Variants in RHD observed in about 807,000 individuals in gnomAD.
The protein encoded by RHD is Rh blood group D antigen, also known as blood group Rh(D) polypeptide.
In RHD, 16 loss-of-function variants were observed where a neutral mutation model predicts 45.5. The observed-to-expected ratio is 0.35, with a 90% CI of 0.24 to 0.53. The LOEUF is 0.53. Among genes scored for constraint, RHD ranks in the 20% least tolerant of loss-of-function variants. The probability of loss-of-function intolerance (pLI) is 0.92; values close to 1 mark genes in which losing one functional copy is unlikely to be tolerated. For synonymous variants in RHD, 131 were observed against 217.5 expected (o/e 0.60, Z 3.50); for missense variants, 306 against 532.0 (o/e 0.58, Z 4.18).
intron 8 of RHD, among the ~76,000 whole-genome samples, chr1:25,320,867 T>C (rs527837013): frequency 1.5e-5 from 2 of 129,732 alleles, no homozygotes; most frequent in African/African-American, 2.6e-5. Flanking sequence ...CATGGCTAAG[T>C]CCTGTCTCTG....
At chr1:25,307,597 G>A in intron 7 of RHD, 2 of 804,536 alleles carry the variant, frequency 2.5e-6, no homozygotes, top group Non-Finnish European at 4.0e-6. Context: ...GCCTACTGAG[G>A]TATTCTCAGA....
chr1:25,283,060 T>C lies in RHD; in HGVS notation c.149-1513T>C, dbSNP rs915172045. ...ATGTGCGAAAACAGTTGGTGATTAT[T>C]GATAAAATAGCTTTTAGAGTTTGGA... On this transcript the variant is annotated intron_variant, in intron 1 of 9. Coordinates refer to ENST00000328664, the MANE Select transcript of RHD (RefSeq NM_016124.6). Among the ~76,000 whole-genome samples the C allele has an allele frequency of 3.0e-5, 4 of 133,332 alleles. 1 individual carries two copies. Among genetic ancestry groups the C allele is most frequent in the African/African-American group, 1.0e-4 (4 of 39,086 alleles). 87.5% of individuals were successfully genotyped at this position (133,332 alleles called of 152,430 possible).
In RHD at chr1:25,306,926, C is replaced by T. The variant is rs1295573731; in HGVS notation, c.1073+197C>T. On this transcript the variant is annotated intron_variant, in intron 7 of 9. Coordinates refer to ENST00000328664, the MANE Select transcript of RHD (RefSeq NM_016124.6). ...ATGGATTTATCACCTCTCCAGGCCA[C>T]CTCTTCTTTCCAAATAGGGCCACCT... 103 of 589,306 alleles carry T rather than the reference C, an allele frequency of 1.7e-4. 12 individuals carry two copies. The Admixed American group carries it at 2.3e-3, about 13-fold the overall frequency. 36.5% of individuals were successfully genotyped at this position (589,306 alleles called of 1,614,324 possible).
chr1:25,299,246 G>A (rs1643192467), intron 3 of RHD, among the ~76,000 whole-genome samples: 1 of 129,322 alleles, frequency 7.7e-6, no homozygotes, highest in African/African-American at 2.7e-5. Flanking sequence ...GCCGGGCACG[G>A]TGGTGGGTGC....
At chr1:25,273,302 A>AAT (rs1553137277) in intron 1 of RHD, among the ~76,000 whole-genome samples, 8 of 97,762 alleles carry the variant, frequency 8.2e-5, no homozygotes, top group African/African-American at 2.2e-4. Flanking sequence ...TGCCTGGCTA[A>AAT]TTTTTTTTTT....
Position 25,320,023 on chromosome 1 carries a change from C to T in RHD, c.1154-1866C>T, listed in dbSNP as rs374772531. 4.9e-4 allele frequency among the ~76,000 whole-genome samples: 64 copies of T among 131,366 alleles called. 5 individuals carry two copies. Among genetic ancestry groups the T allele is most frequent in the East Asian group, 2.9e-3 (15 of 5,116 alleles). 86.2% of individuals were successfully genotyped at this position (131,366 alleles called of 152,430 possible). The stretch of plus-strand genomic sequence containing the variant: ...AAGTGATTCTCCTGCCTCAGCCTCC[C>T]GAGTAGCTGGGATTACAGGCATGCA... On this transcript the variant is annotated intron_variant, in intron 8 of 9. Coordinates refer to ENST00000328664, the MANE Select transcript of RHD (RefSeq NM_016124.6).
Position 25,321,366 on chromosome 1 carries a change from T to G in RHD, c.1154-523T>G, listed in dbSNP as rs1289203383. 2.6e-5 allele frequency among the ~76,000 whole-genome samples: 3 copies of G among 115,954 alleles called. 1 individual carries two copies. The highest frequency in any genetic ancestry group is 6.0e-5 in the Non-Finnish European group (3 of 49,822). The allele number at this position is 115,954 out of a possible 152,430, so 76.1% of individuals were successfully genotyped here. On this transcript the variant is annotated intron_variant, in intron 8 of 9. Coordinates refer to ENST00000328664, the MANE Select transcript of RHD (RefSeq NM_016124.6). ...CTTTTTTTCAAAAAAAAAAAAAAAA[T>G]GTCTACAGAATCGGCCAGGTGTGGT... is the stretch of plus-strand genomic sequence containing the variant.
intron 1 of RHD, among the ~76,000 whole-genome samples, chr1:25,280,387 C>T (rs1338818223): frequency 3.2e-5 from 4 of 125,422 alleles, no homozygotes; most frequent in African/African-American, 1.1e-4. Flanking sequence ...CTCACTGCAA[C>T]CTCAGCCTTC....
intron 1 of RHD, among the ~76,000 whole-genome samples, chr1:25,279,031 A>T (rs536962205): frequency 7.7e-6 from 1 of 129,144 alleles, no homozygotes; most frequent in East Asian, 2.0e-4. Flanking sequence ...GCAGGCCAGA[A>T]GGAGGGGCAA....
Position 25,310,008 on chromosome 1 carries a change from A to G in RHD, c.1073+3279A>G, listed in dbSNP as rs182191414. Among the ~76,000 whole-genome samples the G allele has an allele frequency of 2.0e-3, 267 of 132,978 alleles. 53 individuals are homozygous for G. Among genetic ancestry groups the G allele is most frequent in the Middle Eastern group, 0.017 (4 of 240 alleles). The allele number at this position is 132,978 out of a possible 152,430, so 87.2% of individuals were successfully genotyped here. A position where few individuals can be genotyped will look rare whatever the true frequency, so the allele number is the denominator to read the frequency against. On this transcript the variant is annotated intron_variant, in intron 7 of 9. Transcript: ENST00000328664. The stretch of plus-strand genomic sequence containing the variant: ...AAACCCCAAAAAACCCAACTTATAT[A>G]GTATAAGCTATATCCAGAAAAGTGC...
At chr1:25,322,607 A>T (rs1475608107) in intron 9 of RHD, among the ~76,000 whole-genome samples, 4 of 131,286 alleles carry the variant, frequency 3.0e-5, no homozygotes, top group Admixed American at 3.0e-4. Flanking sequence ...TGGGAAGCGA[A>T]GTTTGCAGTG....
chr1:25,281,768 C>G lies in RHD; in HGVS notation c.149-2805C>G, dbSNP rs145695649. On this transcript the variant is annotated intron_variant, in intron 1 of 9. Transcript: ENST00000328664. ...CTTCCTAATGCCCACTTCTCACCCA[C>G]GCCCCAAATCCCCAGGTCCCATGGA... 8.9e-3 allele frequency among the ~76,000 whole-genome samples: 1,174 copies of G among 131,936 alleles called. 175 individuals are homozygous for G. Among genetic ancestry groups the G allele is most frequent in the African/African-American group, 0.027 (1,032 of 38,630 alleles). 86.6% of individuals were successfully genotyped at this position (131,936 alleles called of 152,430 possible).
At chr1:25,276,523 C>A (rs1162455269) in intron 1 of RHD, among the ~76,000 whole-genome samples, 3 of 59,954 alleles carry the variant, frequency 5.0e-5, no homozygotes, top group African/African-American at 2.2e-4. Flanking sequence ...GGAGACCCCC[C>A]CCCATCTCTA....
At chr1:25,280,244 G>C (rs1344176866) in intron 1 of RHD, among the ~76,000 whole-genome samples, 1 of 128,112 alleles carries the variant, frequency 7.8e-6, no homozygotes. Flanking sequence ...TCAGGGAATC[G>C]GGATCAGGGG....
rs543193621 is a variant in RHD at position 25,323,317 on chromosome 1, C to G, written c.1227+1355C>G. Among the ~76,000 whole-genome samples, 845 of 99,052 alleles carry G rather than the reference C, an allele frequency of 8.5e-3. 89 individuals carry two copies. The highest frequency in any genetic ancestry group is 0.026 in the African/African-American group (775 of 29,830). 65.0% of individuals were successfully genotyped at this position (99,052 alleles called of 152,430 possible). A position where few individuals can be genotyped will look rare whatever the true frequency, so the allele number is the denominator to read the frequency against. On this transcript the variant is annotated intron_variant, in intron 9 of 9. Coordinates refer to ENST00000328664, the MANE Select transcript of RHD (RefSeq NM_016124.6). ...TTAACGTATTTATACACTGAAGAGA[C>G]CATCACCACCATCAAGACAAGGAGC...
chr1:25,286,315 C>T (rs1641988380), intron 2 of RHD, among the ~76,000 whole-genome samples: 1 of 135,280 alleles, frequency 7.4e-6, no homozygotes, highest in Admixed American at 7.1e-5. Context: ...ACAGTGAGAT[C>T]CTGTCTCTGC....
rs548026783 is a variant in RHD at position 25,282,690 on chromosome 1, G to A, written c.149-1883G>A. 7.1e-4 allele frequency among the ~76,000 whole-genome samples: 94 copies of A among 131,582 alleles called. 14 individuals carry two copies. In the South Asian group the frequency reaches 0.02, roughly 28 times the overall value. The allele number at this position is 131,582 out of a possible 152,430, so 86.3% of individuals were successfully genotyped here. ...CTGTAATCCCAGCACTTTGGGAGAC[G>A]GAGGTGGGTGGATTACATGAGGTCA... On this transcript the variant is annotated intron_variant, in intron 1 of 9. Transcript: ENST00000328664.
chr1:25,324,929 TCCCA>T (rs1644890801), intron 9 of RHD, among the ~76,000 whole-genome samples: 1 of 109,712 alleles, frequency 9.1e-6, no homozygotes, highest in Non-Finnish European at 1.8e-5. Context: ...ATGCCTGTAA[TCCCA>T]GCTACTTGGG....
chr1:25,287,386 C>A (rs1390226030), intron 2 of RHD, among the ~76,000 whole-genome samples: 1 of 135,506 alleles, frequency 7.4e-6, no homozygotes, highest in African/African-American at 2.5e-5. Context: ...AAGTCACTCG[C>A]AGCCTGAGTG....
Sources: allele counts gnomAD v4.1 joint callset (sites outside exome capture counted in the v4.1 genomes callset), GRCh38; gene constraint gnomAD v4.1.1; transcripts MANE v1.5; gene names NCBI Gene and HGNC (gene_info 2026-07-23, HGNC 2026-07-21).